Variants in GRID2 observed in about 807,000 individuals in gnomAD.
GRID2 encodes the protein glutamate ionotropic receptor delta type subunit 2, also known as glutamate receptor ionotropic, delta-2.
A neutral mutation model predicts 114.8 loss-of-function variants in GRID2; 33 were observed. That is an observed-to-expected ratio of 0.29 (90% CI 0.22 to 0.38). The LOEUF (loss-of-function observed/expected upper bound fraction) is 0.38. Among genes scored for constraint, GRID2 ranks in the 10% least tolerant of loss-of-function variants. GRID2 has a pLI of 1.00. For missense variants in GRID2, 1,184 were observed against 1,257.7 expected (o/e 0.94, Z 0.89); for synonymous variants, 505 against 449.9 (o/e 1.12, Z -1.55).
At chr4:92,809,115 C>T (rs1740550608) in intron 2 of GRID2, among the ~76,000 whole-genome samples, 1 of 151,916 alleles carries the variant, frequency 6.6e-6, no homozygotes, top group African/African-American at 2.4e-5. Context: ...ATTGTCTCTT[C>T]AAAAGCATCA....
intron 8 of GRID2, among the ~76,000 whole-genome samples, chr4:93,389,315 A>C (rs576009609): frequency 7.9e-5 from 12 of 152,306 alleles, no homozygotes; most frequent in African/African-American, 2.9e-4. Context: ...TATTATTAGA[A>C]AAAATAATAA....
intron 11 of GRID2, among the ~76,000 whole-genome samples, chr4:93,481,945 A>G (rs1224015885): frequency 3.3e-5 from 5 of 151,994 alleles, no homozygotes; most frequent in African/African-American, 1.2e-4. Context: ...TGAAATTCAG[A>G]TTACAGAAGG....
intron 2 of GRID2, among the ~76,000 whole-genome samples, chr4:93,057,476 C>T (rs1395797842): frequency 2.0e-5 from 3 of 151,732 alleles, no homozygotes; most frequent in African/African-American, 7.3e-5. Context: ...GCTGCAGCAG[C>T]ATCATAACTC....
At chr4:92,400,700 C>A (rs1422470856) in intron 1 of GRID2, among the ~76,000 whole-genome samples, 1 of 152,060 alleles carries the variant, frequency 6.6e-6, no homozygotes, top group Non-Finnish European at 1.5e-5. Context: ...TCCAAAATGA[C>A]TGCGCCATTT....
rs796646838 is a variant in GRID2 at position 93,559,842 on chromosome 4, A to G, written c.2193+44431A>G. Among the ~76,000 whole-genome samples, 65 of 152,308 alleles carry G rather than the reference A, an allele frequency of 4.3e-4. 1 individual carries two copies. Among genetic ancestry groups the G allele is most frequent in the African/African-American group, 1.2e-3 (50 of 41,576 alleles). ...TTGGAACCAACCCAAATGCGCATCA[A>G]TTATAGACTAGATAAAGAAAATGTG... On this transcript the variant is annotated intron_variant, in intron 13 of 15. Coordinates refer to ENST00000282020, the MANE Select transcript of GRID2 (RefSeq NM_001510.4).
At chr4:93,583,985 G>T (rs1034560444) in intron 13 of GRID2, among the ~76,000 whole-genome samples, 4 of 152,082 alleles carry the variant, frequency 2.6e-5, no homozygotes, top group African/African-American at 7.2e-5. Context: ...GAAGCAGATG[G>T]AAAATGCTGA....
intron 14 of GRID2, among the ~76,000 whole-genome samples, chr4:93,752,739 T>C (rs1389430219): frequency 6.6e-6 from 1 of 152,200 alleles, no homozygotes; most frequent in Admixed American, 6.5e-5. Context: ...TTTTCCCTGC[T>C]TAAAATTTCC....
intron 13 of GRID2, among the ~76,000 whole-genome samples, chr4:93,572,713 T>G (rs1290440355): frequency 1.3e-5 from 2 of 152,102 alleles, no homozygotes; most frequent in Non-Finnish European, 2.9e-5. Context: ...ATTCATTACC[T>G]GTGTTTCCAT....
At chr4:93,522,919 AAATCGCC>A (rs1467632995) in intron 13 of GRID2, among the ~76,000 whole-genome samples, 2 of 152,160 alleles carry the variant, frequency 1.3e-5, no homozygotes, top group Non-Finnish European at 2.9e-5. Flanking sequence ...GTGAATAATC[AAATCGCC>A]AAGAAGAAAC....
intron 14 of GRID2, among the ~76,000 whole-genome samples, chr4:93,698,191 A>G (rs997546882): frequency 3.3e-5 from 5 of 151,964 alleles, no homozygotes; most frequent in Admixed American, 6.6e-5. Context: ...AATTATAGAA[A>G]TCGCTGTGAA....
At chr4:92,710,721 G>A (rs569145045) in intron 2 of GRID2, among the ~76,000 whole-genome samples, 12 of 152,142 alleles carry the variant, frequency 7.9e-5, no homozygotes, top group African/African-American at 2.6e-4. Context: ...TTACCTCTAG[G>A]TTTTCAATAT....
intron 14 of GRID2, among the ~76,000 whole-genome samples, chr4:93,718,746 G>A (rs932845107): frequency 6.6e-6 from 1 of 152,102 alleles, no homozygotes; most frequent in Non-Finnish European, 1.5e-5. Flanking sequence ...AATCAATGCA[G>A]TACAGAGGAT....
intron 14 of GRID2, among the ~76,000 whole-genome samples, chr4:93,752,977 G>T (rs1424729769): frequency 6.6e-6 from 1 of 152,164 alleles, no homozygotes; most frequent in Admixed American, 6.5e-5. Flanking sequence ...CTTATCATAA[G>T]TGGAAGTGAT....
chr4:92,650,510 ATTTCCCT>A (rs1731873354), intron 2 of GRID2, among the ~76,000 whole-genome samples: 1 of 152,074 alleles, frequency 6.6e-6, no homozygotes, highest in South Asian at 2.1e-4. Context: ...TATTAGTCCA[ATTTCCCT>A]TTGGTAATAA....
intron 1 of GRID2, among the ~76,000 whole-genome samples, chr4:92,452,437 C>T (rs1300306652): frequency 6.6e-6 from 1 of 151,866 alleles, no homozygotes; most frequent in Non-Finnish European, 1.5e-5. Context: ...CCTGCCTCAG[C>T]CTCCTGAGTA....
intron 1 of GRID2, among the ~76,000 whole-genome samples, chr4:92,523,624 T>A (rs1254009697): frequency 6.6e-6 from 1 of 152,072 alleles, no homozygotes; most frequent in Non-Finnish European, 1.5e-5. Context: ...TATGATCCAC[T>A]ATGTTCTTTG....
chr4:93,156,109 C>A (rs1737162605), intron 4 of GRID2, among the ~76,000 whole-genome samples: 1 of 151,220 alleles, frequency 6.6e-6, no homozygotes, highest in African/African-American at 2.4e-5. Flanking sequence ...CTGTTACATA[C>A]CCATAATAAT....
intron 13 of GRID2, among the ~76,000 whole-genome samples, chr4:93,593,674 C>A (rs1281943830): frequency 1.3e-5 from 2 of 151,958 alleles, no homozygotes; most frequent in Non-Finnish European, 2.9e-5. Context: ...CCATTCTCCC[C>A]ATCACTTTCA....
chr4:92,474,656 T>A (rs901655733), intron 1 of GRID2, among the ~76,000 whole-genome samples: 2 of 152,064 alleles, frequency 1.3e-5, no homozygotes, highest in African/African-American at 2.4e-5. Flanking sequence ...GGTTCCCTTT[T>A]CTCCATTTCC....
Sources: allele counts gnomAD v4.1 joint callset (sites outside exome capture counted in the v4.1 genomes callset), GRCh38; gene constraint gnomAD v4.1.1; transcripts MANE v1.5; gene names NCBI Gene and HGNC (gene_info 2026-07-23, HGNC 2026-07-21).